Variants in DCAF7 observed in about 807,000 individuals in gnomAD.
DCAF7 encodes the protein DDB1- and CUL4-associated factor 7.
Under a neutral mutation model 41.2 loss-of-function variants are expected in DCAF7, and 4 were observed. That is an observed-to-expected ratio of 0.10 (90% CI 0.05 to 0.22). DCAF7 has a LOEUF of 0.22. Among genes scored for constraint, DCAF7 ranks in the 10% least tolerant of loss-of-function variants. The probability of loss-of-function intolerance (pLI) is 1.00; values close to 1 mark genes in which losing one functional copy is unlikely to be tolerated. For missense variants in DCAF7, 131 were observed against 443.2 expected (o/e 0.30, Z 6.32); for synonymous variants, 143 against 164.2 (o/e 0.87, Z 0.99).
chr17:63,559,755 T>G (rs575864309), intron 1 of DCAF7, among the ~76,000 whole-genome samples: 1 of 151,866 alleles, frequency 6.6e-6, no homozygotes, highest in Non-Finnish European at 1.5e-5. Flanking sequence ...TGAGCCGAGA[T>G]GGCACCATTG....
intron 1 of DCAF7, among the ~76,000 whole-genome samples, chr17:63,566,639 A>G (rs2033445146): frequency 6.6e-6 from 1 of 152,212 alleles, no homozygotes; most frequent in Non-Finnish European, 1.5e-5. Context: ...TGCAGAATAC[A>G]GCTGACAACG....
chr17:63,560,211 G>C (rs1374640860), intron 1 of DCAF7, among the ~76,000 whole-genome samples: 1 of 152,142 alleles, frequency 6.6e-6, no homozygotes, highest in Non-Finnish European at 1.5e-5. Flanking sequence ...TACTGTGTGT[G>C]TGTGTATACA....
At chr17:63,561,585 G>A (rs1015829700) in intron 1 of DCAF7, among the ~76,000 whole-genome samples, 4 of 152,114 alleles carry the variant, frequency 2.6e-5, no homozygotes, top group Admixed American at 1.3e-4. Context: ...AGATGTGGTG[G>A]CACCATGCCT....
rs1485916110 is a variant in DCAF7 at position 63,578,460 on chromosome 17, T to C, written c.139-10T>C. On this transcript the variant is annotated splice_polypyrimidine_tract_variant and intron_variant, in intron 1 of 6. Coordinates refer to ENST00000614556, the MANE Select transcript of DCAF7 (RefSeq NM_005828.5). ...AAATGCTTATGTGGCTCAACTTTGG[T>C]ATGTTACAGGTTCAGCTTGTTGGTT... 4.3e-6 allele frequency: 7 copies of C among 1,613,990 alleles called. No individual in the cohort carries two copies. The Admixed American group carries it at 6.7e-5, about 15-fold the overall frequency.
rs1568107755 is a variant in DCAF7 at position 63,591,346 on chromosome 17, C to T, written c.*2174C>T. On this transcript the variant is annotated 3_prime_UTR_variant, in exon 7 of 7. Coordinates refer to ENST00000614556, the MANE Select transcript of DCAF7 (RefSeq NM_005828.5). ...GAATTTGTCAGCTGGAACTCAGAAA[C>T]AACAACTTGAAAAAAAAATAATAAT... The T allele has an allele frequency of 2.6e-5, 4 of 151,974 alleles. No homozygotes were observed. Among genetic ancestry groups the T allele is most frequent in the African/African-American group, 7.3e-5 (3 of 41,338 alleles). 9.4% of individuals were successfully genotyped at this position (151,974 alleles called of 1,614,324 possible).
chr17:63,585,470 T>G, intron 6 of DCAF7, 142 bp downstream of exon 6: 1 of 722,364 alleles, frequency 1.4e-6, no homozygotes, highest in Non-Finnish European at 2.3e-6. Context: ...CTCTCCACAC[T>G]TGTGAAATTC....
chr17:63,555,433 C>T (rs2033300120), intron 1 of DCAF7, among the ~76,000 whole-genome samples: 1 of 152,138 alleles, frequency 6.6e-6, no homozygotes, highest in East Asian at 1.9e-4. Context: ...GTGTTGATTC[C>T]TCTGAGGTTT....
chr17:63,570,680 CATTATT>C (rs1294976512), intron 1 of DCAF7, among the ~76,000 whole-genome samples: 1 of 152,112 alleles, frequency 6.6e-6, no homozygotes, highest in Non-Finnish European at 1.5e-5. Flanking sequence ...TGCAGAAAAA[CATTATT>C]AGGATATATA....
At chr17:63,586,995 C>T (rs1391867054) in intron 6 of DCAF7, among the ~76,000 whole-genome samples, 1 of 152,158 alleles carries the variant, frequency 6.6e-6, no homozygotes, top group Non-Finnish European at 1.5e-5. Context: ...GGATGTACAT[C>T]TATGCCCCCA....
intron 1 of DCAF7, among the ~76,000 whole-genome samples, chr17:63,577,862 G>A (rs1398212516): frequency 6.6e-6 from 1 of 152,140 alleles, no homozygotes; most frequent in Non-Finnish European, 1.5e-5. Context: ...TGCCTGGCCT[G>A]GCAGATAGTG....
chr17:63,569,011 A>G (rs1467993381), intron 1 of DCAF7, among the ~76,000 whole-genome samples: 1 of 152,196 alleles, frequency 6.6e-6, no homozygotes, highest in African/African-American at 2.4e-5. Context: ...ACCTGTGTCA[A>G]TCTAGCACAT....
At chr17:63,559,334 CAT>C (rs202023132) in intron 1 of DCAF7, among the ~76,000 whole-genome samples, 50 of 64,970 alleles carry the variant, frequency 7.7e-4, no homozygotes, top group African/African-American at 4.9e-3. Flanking sequence ...TATATATATA[CAT>C]ACATATATAT....
intron 3 of DCAF7, 79 bp downstream of exon 3, chr17:63,579,527 T>C: frequency 9.4e-7 from 1 of 1,067,314 alleles, no homozygotes. Context: ...GGGCCATACA[T>C]CCTAGAACAA....
At chr17:63,568,746 G>A (rs112873389) in intron 1 of DCAF7, among the ~76,000 whole-genome samples, 2 of 152,148 alleles carry the variant, frequency 1.3e-5, no homozygotes, top group African/African-American at 4.8e-5. Flanking sequence ...TCATGGGACT[G>A]GACCCGGCCA....
At position 63,550,662 on chromosome 17, in the gene DCAF7, C is replaced by T. The variant is rs1371238628; in HGVS notation, c.-16C>T. 2 of 1,612,446 alleles carry T rather than the reference C, an allele frequency of 1.2e-6. No individual in the cohort carries two copies. Among genetic ancestry groups the T allele is most frequent in the Non-Finnish European group, 1.7e-6 (2 of 1,179,488 alleles). ...CCCACTGTTGACCCGGCCCGTACTG[C>T]GGCCCCGTGGCCACCATGTCCCTGC... On this transcript the variant is annotated 5_prime_UTR_variant, in exon 1 of 7. Coordinates refer to ENST00000614556, the MANE Select transcript of DCAF7 (RefSeq NM_005828.5). This position sits in a 1 kb window ranked among gnomAD's most constrained non-coding sequence, Gnocchi z 4.8.
chr17:63,571,933 G>T (rs2033511139), intron 1 of DCAF7, among the ~76,000 whole-genome samples: 1 of 151,864 alleles, frequency 6.6e-6, no homozygotes, highest in Non-Finnish European at 1.5e-5. Context: ...TAGCTAAGTT[G>T]GAAAACCATT....
intron 1 of DCAF7, among the ~76,000 whole-genome samples, chr17:63,553,700 C>A (rs1001335134): frequency 6.6e-6 from 1 of 152,126 alleles, no homozygotes; most frequent in African/African-American, 2.4e-5. Flanking sequence ...AGTGTGGAGA[C>A]ATTCACTAAG....
chr17:63,573,208 T>C (rs1370248579), intron 1 of DCAF7: 1 of 152,234 alleles, frequency 6.6e-6, no homozygotes, highest in East Asian at 1.9e-4. Flanking sequence ...CTTGGAAAAT[T>C]GGGTATCCAT....
intron 1 of DCAF7, among the ~76,000 whole-genome samples, chr17:63,559,421 GTATATA>G (rs759733619): frequency 8.8e-4 from 57 of 64,744 alleles, no homozygotes; most frequent in South Asian, 8.1e-3. Context: ...ATATATATAC[GTATATA>G]TATATGTGTG....
Sources: gnomAD v4.1 joint callset for allele counts (sites outside exome capture counted in the v4.1 genomes callset) on GRCh38, gnomAD v4.1.1 for gene constraint, Gnocchi (gnomAD v3.1) non-coding constraint, MANE v1.5 for transcripts, NCBI Gene and HGNC (gene_info 2026-07-23, HGNC 2026-07-21) for gene names.